The following NKAIN2 variants were observed in gnomAD, a reference collection of about 807,000 sequenced individuals.
The protein encoded by NKAIN2 is sodium/potassium transporting ATPase interacting 2, also known as sodium/potassium-transporting ATPase subunit beta-1-interacting protein 2.
Under a neutral mutation model 32.6 loss-of-function variants are expected in NKAIN2, and 14 were observed. That is an observed-to-expected ratio of 0.43 (90% CI 0.28 to 0.67). The LOEUF is 0.67. NKAIN2 is among the 30% of genes least tolerant of loss of function. The pLI is 0.17. For missense variants in NKAIN2, 198 were observed against 258.3 expected, an observed-to-expected ratio of 0.77 and a Z score of 1.60; for synonymous variants, 80 against 87.2, an observed-to-expected ratio of 0.92 and a Z score of 0.46.
intron 5 of NKAIN2, chr6:124,794,930 T>G: frequency 3.2e-6 from 2 of 624,214 alleles, no homozygotes; most frequent in Non-Finnish European, 4.0e-6. Flanking sequence ...TTACAAAAAA[T>G]TATCCTGATC....
At chr6:124,388,029 C>T (rs1025650916) in intron 3 of NKAIN2, among the ~76,000 whole-genome samples, 4 of 152,032 alleles carry the variant, frequency 2.6e-5, no homozygotes, top group African/African-American at 9.7e-5. Context: ...ACCTGGAATG[C>T]TGTTAAATAT....
At chr6:124,369,652 C>A (rs879561483) in intron 3 of NKAIN2, among the ~76,000 whole-genome samples, 1 of 152,010 alleles carries the variant, frequency 6.6e-6, no homozygotes, top group Non-Finnish European at 1.5e-5. Context: ...AGATTGGGTA[C>A]CCTGCCTTAC....
intron 1 of NKAIN2, among the ~76,000 whole-genome samples, chr6:124,203,674 C>T (rs950273467): frequency 2.0e-5 from 3 of 151,670 alleles, no homozygotes; most frequent in African/African-American, 7.3e-5. Flanking sequence ...TTACAGTGAA[C>T]CTCCAAGTTA....
At chr6:124,171,547 A>T (rs370180390) in intron 1 of NKAIN2, among the ~76,000 whole-genome samples, 17 of 96,468 alleles carry the variant, frequency 1.8e-4, no homozygotes, top group Admixed American at 2.9e-4. Context: ...GGCCGATTTG[A>T]TTTTTTTTTT....
At chr6:124,660,382 T>C (rs190016732) in intron 4 of NKAIN2, among the ~76,000 whole-genome samples, 23 of 152,310 alleles carry the variant, frequency 1.5e-4, no homozygotes, top group African/African-American at 4.8e-4. Flanking sequence ...TGCTGACACA[T>C]AGGGAATGTG....
chr6:124,800,396 C>A (rs1342439252), intron 5 of NKAIN2, among the ~76,000 whole-genome samples: 8 of 152,172 alleles, frequency 5.3e-5, no homozygotes, highest in African/African-American at 1.9e-4. Context: ...TGGAGGCAAA[C>A]CCTCAATCCT....
At chr6:123,986,624 C>T (rs1246480883) in intron 1 of NKAIN2, among the ~76,000 whole-genome samples, 2 of 152,094 alleles carry the variant, frequency 1.3e-5, no homozygotes, top group Non-Finnish European at 2.9e-5. Context: ...GCTCAGGCCC[C>T]ACTTCAGGCC....
chr6:124,184,657 T>G (rs1398226652), intron 1 of NKAIN2, among the ~76,000 whole-genome samples: 2 of 152,312 alleles, frequency 1.3e-5, no homozygotes, highest in East Asian at 3.9e-4. Flanking sequence ...ATTGATTGAT[T>G]TAATTCTGGG....
chr6:124,254,260 C>G (rs1214983854), intron 1 of NKAIN2, among the ~76,000 whole-genome samples: 1 of 152,164 alleles, frequency 6.6e-6, no homozygotes, highest in Non-Finnish European at 1.5e-5. Context: ...CCTAAGTGTT[C>G]TACTTTCAAT....
chr6:123,939,640 C>CAA (rs577631828), intron 1 of NKAIN2, among the ~76,000 whole-genome samples: 106 of 150,446 alleles, frequency 7.0e-4, no homozygotes, highest in African/African-American at 2.0e-3. Context: ...TTACTGAAAA[C>CAA]AAAAAAAAAG....
At chr6:124,322,510 C>A (rs1045267706) in intron 2 of NKAIN2, among the ~76,000 whole-genome samples, 6 of 152,174 alleles carry the variant, frequency 3.9e-5, no homozygotes, top group African/African-American at 1.4e-4. Flanking sequence ...AATATTTGTG[C>A]TACCACCTTA....
At chr6:124,439,803 AC>A (rs1210349135) in intron 3 of NKAIN2, among the ~76,000 whole-genome samples, 1 of 152,020 alleles carries the variant, frequency 6.6e-6, no homozygotes, top group Non-Finnish European at 1.5e-5. Context: ...TGGGCCATAT[AC>A]ATGATGAGAA....
At chr6:124,709,226 C>T (rs1179628750) in intron 4 of NKAIN2, among the ~76,000 whole-genome samples, 2 of 148,634 alleles carry the variant, frequency 1.3e-5, no homozygotes, top group African/African-American at 2.5e-5. Flanking sequence ...TGATGTGCTG[C>T]TGGATTTGTT....
intron 4 of NKAIN2, among the ~76,000 whole-genome samples, chr6:124,704,643 C>CAG (rs10572050): frequency 0.065 from 9,710 of 149,446 alleles, 356 homozygotes; most frequent in African/African-American, 0.099. Flanking sequence ...GAGAAAGAGA[C>CAG]AGAGAGAGAG....
At chr6:124,072,660 G>A (rs1003023446) in intron 1 of NKAIN2, among the ~76,000 whole-genome samples, 1 of 152,066 alleles carries the variant, frequency 6.6e-6, no homozygotes, top group African/African-American at 2.4e-5. Context: ...CTATTCGTAA[G>A]CTCCTGCCTG....
intron 1 of NKAIN2, among the ~76,000 whole-genome samples, chr6:123,928,504 G>A (rs1776110687): frequency 6.6e-6 from 1 of 152,104 alleles, no homozygotes; most frequent in Non-Finnish European, 1.5e-5. Context: ...CATTTATTTG[G>A]TTATTTATTT....
At chr6:124,734,905 T>C (rs540088202) in intron 4 of NKAIN2, among the ~76,000 whole-genome samples, 1 of 152,020 alleles carries the variant, frequency 6.6e-6, no homozygotes, top group South Asian at 2.1e-4. Flanking sequence ...TCTTTTAGAC[T>C]TTTGAAAATA....
intron 3 of NKAIN2, among the ~76,000 whole-genome samples, chr6:124,549,100 C>T (rs948323671): frequency 3.9e-5 from 6 of 152,124 alleles, no homozygotes; most frequent in East Asian, 1.9e-4. Context: ...GGCGCGATGG[C>T]TCACACCTGT....
chr6:124,344,837 C>A (rs2115098893), intron 2 of NKAIN2, among the ~76,000 whole-genome samples: 1 of 152,248 alleles, frequency 6.6e-6, no homozygotes. Flanking sequence ...CTTCTACTGC[C>A]TGATTGCCCT....
Sources: gnomAD v4.1 joint callset for allele counts (sites outside exome capture counted in the v4.1 genomes callset) on GRCh38, gnomAD v4.1.1 for gene constraint, MANE v1.5 for transcripts, NCBI Gene and HGNC (gene_info 2026-07-23, HGNC 2026-07-21) for gene names.